The following DDX60L variants were observed in gnomAD, a reference collection of about 807,000 sequenced individuals.
DDX60L encodes DExD/H-box 60 like.
In DDX60L, 191 loss-of-function variants were observed where a neutral mutation model predicts 211.6. The observed-to-expected ratio is 0.90, with a 90% confidence interval of 0.80 to 1.02. The LOEUF (loss-of-function observed/expected upper bound fraction) is 1.02. Ranked by LOEUF, DDX60L falls within the 50% of genes least tolerant of loss-of-function variation. The pLI is 0.00. For synonymous variants in DDX60L, 706 were observed against 694.1 expected (o/e 1.02, Z -0.27); for missense variants, 2,007 against 1,984.1 (o/e 1.01, Z -0.22).
At chr4:168,365,437 T>C (rs896964859) in intron 36 of DDX60L, among the ~76,000 whole-genome samples, 1 of 151,834 alleles carries the variant, frequency 6.6e-6, no homozygotes, top group African/African-American at 2.4e-5. Context: ...GCTAAGTTCC[T>C]GGACATATAC....
At chr4:168,473,086 C>G (rs1759023506) in intron 1 of DDX60L, among the ~76,000 whole-genome samples, 1 of 152,036 alleles carries the variant, frequency 6.6e-6, no homozygotes, top group Non-Finnish European at 1.5e-5. Flanking sequence ...GTATTCTTGG[C>G]AAACAGAACA....
intron 33 of DDX60L, among the ~76,000 whole-genome samples, chr4:168,376,457 T>A (rs908860757): frequency 6.6e-6 from 1 of 152,162 alleles, no homozygotes; most frequent in African/African-American, 2.4e-5. Flanking sequence ...AGCACTAATA[T>A]CAGGTAAGAA....
chr4:168,438,459 A>G (rs1334578992), intron 10 of DDX60L, among the ~76,000 whole-genome samples: 1 of 152,078 alleles, frequency 6.6e-6, no homozygotes, highest in Non-Finnish European at 1.5e-5. Context: ...CCTCTTTAAA[A>G]TATTTTGTGT....
At chr4:168,456,016 G>A in intron 7 of DDX60L, 23 bp downstream of exon 7, 1 of 1,501,286 alleles carries the variant, frequency 6.7e-7, no homozygotes, top group Non-Finnish European at 9.1e-7. Context: ...TTTCTGCCTG[G>A]CGGCTGTGTT....
intron 11 of DDX60L, 117 bp downstream of exon 11, chr4:168,432,893 A>G (rs1221116648): frequency 2.4e-5 from 14 of 589,370 alleles, no homozygotes; most frequent in Non-Finnish European, 3.8e-5. Context: ...TAGTCACATT[A>G]TATAGAATTT....
At chr4:168,452,556 A>G (rs1561104224) in intron 8 of DDX60L, among the ~76,000 whole-genome samples, 1 of 152,208 alleles carries the variant, frequency 6.6e-6, no homozygotes, top group Non-Finnish European at 1.5e-5. Flanking sequence ...ACTACTATGT[A>G]CTCACAAAAA....
rs774897279 is a variant in DDX60L, at chr4:168,472,443, C to T, written c.74+12G>A. On this transcript the variant is annotated intron_variant, in intron 3 of 37. Coordinates refer to ENST00000682922, the MANE Select transcript of DDX60L (RefSeq NM_001012967.3). ...TAGTATAGCTCCTTCTTTTTTACTT[C>T]ACAGTACTTACCCAGCTTTTGGCAT... is the stretch of plus-strand genomic sequence containing the variant. 1.5e-5 allele frequency: 23 copies of T among 1,543,268 alleles called. No individual in the cohort carries two copies. The highest frequency in any genetic ancestry group is 3.9e-5 in the Admixed American group (2 of 51,302).
At position 168,421,388 on chromosome 4, in the gene DDX60L, G is replaced by A. The variant is rs551587642; in HGVS notation, c.2394+372C>T. 5.9e-5 allele frequency among the ~76,000 whole-genome samples: 9 copies of A among 152,268 alleles called. No individual in the cohort carries two copies. In the South Asian group the frequency reaches 1.7e-3, roughly 28 times the overall value. On this transcript the variant is annotated intron_variant, in intron 17 of 37. Coordinates refer to ENST00000682922, the MANE Select transcript of DDX60L (RefSeq NM_001012967.3). The stretch of plus-strand genomic sequence containing the variant: ...CAAAAATAGTTTCTTGGCCGGGCAC[G>A]GTGGCTCACGCCTGTAATCCCAACA...
chr4:168,467,833 C>T (rs549968003), intron 4 of DDX60L, among the ~76,000 whole-genome samples: 5 of 152,172 alleles, frequency 3.3e-5, no homozygotes, highest in East Asian at 1.9e-4. Context: ...TTCACCAGGT[C>T]GGCATGATCC....
intron 7 of DDX60L, among the ~76,000 whole-genome samples, chr4:168,453,711 C>G (rs1257313496): frequency 1.3e-5 from 2 of 152,062 alleles, no homozygotes; most frequent in Non-Finnish European, 2.9e-5. Context: ...AGGAAATGGT[C>G]AAGTTTCACC....
At chr4:168,386,231 C>G (rs959631033) in intron 29 of DDX60L, among the ~76,000 whole-genome samples, 1 of 152,082 alleles carries the variant, frequency 6.6e-6, no homozygotes, top group Non-Finnish European at 1.5e-5. Flanking sequence ...GAATTCCAAC[C>G]ACACTTGGCA....
In DDX60L at chr4:168,427,296, T is replaced by C; in HGVS notation, c.1704A>G (p.Lys568=). ...TGAGAAATGACTTTTTCTTACTCTTTTTGGTAATTTGGTGGGGTTTGGTAT... is the reference window on the plus strand; with the variant it reads ...TGAGAAATGACTTTTTCTTACTCTTCTTGGTAATTTGGTGGGGTTTGGTAT... ...LQNTKPHQIT[K]KSKKKSFLKE... The change falls in exon 14 of 38, where the codon AAA becomes AAG. Residue 568 remains lysine (K), a synonymous_variant. Coordinates refer to ENST00000682922, the MANE Select transcript of DDX60L (RefSeq NM_001012967.3). The C allele has an allele frequency of 6.2e-7, 1 of 1,613,408 alleles. No individual in the cohort carries two copies. The highest frequency in any genetic ancestry group is 1.3e-5 in the African/African-American group (1 of 75,020).
intron 25 of DDX60L, among the ~76,000 whole-genome samples, chr4:168,403,447 G>A (rs962928104): frequency 2.0e-5 from 3 of 152,140 alleles, no homozygotes; most frequent in African/African-American, 7.2e-5. Context: ...CTGATTATTA[G>A]AGTGGGTCCA....
At chr4:168,416,123 T>C (rs866050938) in intron 20 of DDX60L, among the ~76,000 whole-genome samples, 1 of 152,252 alleles carries the variant, frequency 6.6e-6, no homozygotes, top group Non-Finnish European at 1.5e-5. Context: ...CCATCGTCGC[T>C]GTTACCAGGA....
At chr4:168,369,380 G>A (rs761597167) in intron 36 of DDX60L, among the ~76,000 whole-genome samples, 14 of 151,924 alleles carry the variant, frequency 9.2e-5, no homozygotes, top group East Asian at 1.9e-4. Context: ...GTGAGGTTGC[G>A]GAACTGTAGG....
At chr4:168,377,232 C>T (rs2149664632) in intron 33 of DDX60L, among the ~76,000 whole-genome samples, 1 of 152,060 alleles carries the variant, frequency 6.6e-6, no homozygotes, top group Non-Finnish European at 1.5e-5. Context: ...GTGGAAGTTG[C>T]AGTGAGCTGA....
chr4:168,406,383 A>G (rs1339581282), intron 23 of DDX60L, among the ~76,000 whole-genome samples: 5 of 152,220 alleles, frequency 3.3e-5, no homozygotes, highest in African/African-American at 1.2e-4. Flanking sequence ...AAAAGCTAAA[A>G]GAAGACATAT....
At chr4:168,403,411 C>A (rs957649522) in intron 25 of DDX60L, among the ~76,000 whole-genome samples, 18 of 152,260 alleles carry the variant, frequency 1.2e-4, no homozygotes, top group African/African-American at 4.3e-4. Flanking sequence ...ATTTAAAATT[C>A]TCTGGGCTAA....
chr4:168,357,522 A>C lies in DDX60L; in HGVS notation c.*625T>G, dbSNP rs1251537433. ...AGTGGTAGTGAGCAGAGATTGGAGAACAAGCTCTCTTGTCTCTCTGTTAAA... is the reference window on the plus strand; with the variant it reads ...AGTGGTAGTGAGCAGAGATTGGAGACCAAGCTCTCTTGTCTCTCTGTTAAA... On this transcript the variant is annotated 3_prime_UTR_variant, in exon 38 of 38. Transcript: ENST00000682922. 6.6e-6 allele frequency: 1 copy of C among 152,382 alleles called. No homozygotes were observed. The highest frequency in any genetic ancestry group is 1.5e-5 in the Non-Finnish European group (1 of 68,190). 9.4% of individuals were successfully genotyped at this position (152,382 alleles called of 1,614,324 possible). A position where few individuals can be genotyped will look rare whatever the true frequency, so the allele number is the denominator to read the frequency against.
Sources: allele counts gnomAD v4.1 joint callset (sites outside exome capture counted in the v4.1 genomes callset), GRCh38; gene constraint gnomAD v4.1.1; transcripts MANE v1.5; gene names NCBI Gene and HGNC (gene_info 2026-07-23, HGNC 2026-07-21).